The following CORO2A variants were observed in gnomAD, a reference collection of about 807,000 sequenced individuals.
CORO2A encodes coronin-2A.
In CORO2A, 47 loss-of-function variants were observed where a neutral mutation model predicts 62.4. That is an observed-to-expected ratio of 0.75 (90% CI 0.60 to 0.96). The LOEUF is 0.96. CORO2A is among the 40% of genes least tolerant of loss of function. The pLI is 0.00. For missense variants in CORO2A, 610 were observed against 684.1 expected (o/e 0.89, Z 1.21); for synonymous variants, 273 against 268.9 (o/e 1.02, Z -0.15).
chr9:98,167,220 C>A (rs1327490839), intron 1 of CORO2A, among the ~76,000 whole-genome samples: 1 of 152,038 alleles, frequency 6.6e-6, no homozygotes, highest in Non-Finnish European at 1.5e-5. Context: ...AAAAAGACAG[C>A]GCATGATTCC....
chr9:98,148,212 T>A (rs2985030), intron 2 of CORO2A, among the ~76,000 whole-genome samples: 18,111 of 150,350 alleles, frequency 0.12, 1,419 homozygotes, highest in Non-Finnish European at 0.17. Flanking sequence ...CTGGCCAACA[T>A]AGCAAAACCC....
chr9:98,150,366 G>A (rs2118856700), intron 2 of CORO2A, among the ~76,000 whole-genome samples: 1 of 152,218 alleles, frequency 6.6e-6, no homozygotes, highest in East Asian at 1.9e-4. Flanking sequence ...ACCACTCTGT[G>A]GTCACAGCAC....
chr9:98,180,272 T>TA (rs1178066829), intron 1 of CORO2A, among the ~76,000 whole-genome samples: 3 of 152,122 alleles, frequency 2.0e-5, no homozygotes, highest in Non-Finnish European at 4.4e-5. Context: ...GTCCTTGGGT[T>TA]ACATCATTTC....
At chr9:98,151,364 T>C (rs1827721876) in intron 2 of CORO2A, among the ~76,000 whole-genome samples, 1 of 152,248 alleles carries the variant, frequency 6.6e-6, no homozygotes, top group Non-Finnish European at 1.5e-5. Flanking sequence ...AGGTCATCTT[T>C]ATTAGTCTTT....
chr9:98,190,555 A>G (rs1828294013), intron 1 of CORO2A, among the ~76,000 whole-genome samples: 1 of 152,150 alleles, frequency 6.6e-6, no homozygotes, highest in African/African-American at 2.4e-5. Context: ...CCCTCTGGCG[A>G]CAGGGGATGC....
intron 1 of CORO2A, among the ~76,000 whole-genome samples, chr9:98,170,938 A>G (rs201739107): frequency 6.6e-6 from 1 of 152,216 alleles, no homozygotes; most frequent in East Asian, 1.9e-4. Flanking sequence ...CTGTCCAGCC[A>G]TCAGCTGTCC....
rs1827416291 is a variant in CORO2A at position 98,132,091 on chromosome 9, G to A, written c.765+94C>T. On this transcript the variant is annotated intron_variant, in intron 6 of 11. Transcript: ENST00000375077. The stretch of plus-strand genomic sequence containing the variant: ...CTGGCAGTCTACGCTAAATGTGTGT[G>A]TCATAAATGGGTGTCTAAATGAATG... 4.2e-6 allele frequency: 4 copies of A among 954,168 alleles called. No homozygotes were observed. In the East Asian group the frequency reaches 9.6e-5, roughly 23 times the overall value. The allele number at this position is 954,168 out of a possible 1,614,324, so 59.1% of individuals were successfully genotyped here. A position where few individuals can be genotyped will look rare whatever the true frequency, so the allele number is the denominator to read the frequency against.
chr9:98,180,470 G>A (rs1828163430), intron 1 of CORO2A, among the ~76,000 whole-genome samples: 1 of 152,070 alleles, frequency 6.6e-6, no homozygotes, highest in Non-Finnish European at 1.5e-5. Flanking sequence ...CCGCAACACA[G>A]AAAACCATAC....
chr9:98,182,181 A>G (rs1005112775), intron 1 of CORO2A, among the ~76,000 whole-genome samples: 3 of 152,188 alleles, frequency 2.0e-5, no homozygotes, highest in African/African-American at 7.2e-5. Context: ...TGTGCTTGGT[A>G]TCTCTAATGC....
intron 4 of CORO2A, among the ~76,000 whole-genome samples, 164 bp downstream of exon 4, chr9:98,134,642 G>A (rs1827458728): frequency 6.6e-6 from 1 of 152,210 alleles, no homozygotes; most frequent in African/African-American, 2.4e-5. Context: ...AGCTGGGAGA[G>A]GCATGGAAGG....
chr9:98,174,513 T>C (rs1425193819), intron 1 of CORO2A, among the ~76,000 whole-genome samples: 1 of 152,216 alleles, frequency 6.6e-6, no homozygotes. Flanking sequence ...GTGATGGTGA[T>C]ATGGTTTGGC....
intron 2 of CORO2A, among the ~76,000 whole-genome samples, chr9:98,137,986 G>A (rs1827511848): frequency 6.6e-6 from 1 of 152,122 alleles, no homozygotes; most frequent in Non-Finnish European, 1.5e-5. Context: ...TCAATAAAAG[G>A]GCATTTCCCC....
intron 4 of CORO2A, 57 bp from the exon 5 acceptor site, chr9:98,133,274 A>T (rs903067311): frequency 3.2e-6 from 5 of 1,545,156 alleles, no homozygotes; most frequent in African/African-American, 2.7e-5. Flanking sequence ...TGGGCCTCAT[A>T]GTTACATGCT....
Position 98,162,814 on chromosome 9 carries a change from C to T in CORO2A, c.1-5154G>A, listed in dbSNP as rs118170290. Among the ~76,000 whole-genome samples, 1,156 of 152,336 alleles carry T rather than the reference C, an allele frequency of 7.6e-3. 7 individuals carry two copies. The highest frequency in any genetic ancestry group is 0.012 in the Admixed American group (182 of 15,306). On this transcript the variant is annotated intron_variant, in intron 1 of 11. Transcript: ENST00000375077. ...ATCCGTGCATGCATGACTTTAATGA[C>T]TCAGTAATTCAGAGAACAGGAGTTC...
intron 2 of CORO2A, among the ~76,000 whole-genome samples, chr9:98,142,507 G>A (rs1827584232): frequency 6.6e-6 from 1 of 152,204 alleles, no homozygotes. Flanking sequence ...TTGGCTGTGG[G>A]GCACTGATTG....
intron 3 of CORO2A, among the ~76,000 whole-genome samples, chr9:98,136,067 C>G (rs910190928): frequency 1.3e-5 from 2 of 152,220 alleles, no homozygotes; most frequent in Admixed American, 1.3e-4. Context: ...AGGAAAGCCC[C>G]TTCCTTCTTC....
At chr9:98,157,778 G>A (rs866067762) in intron 1 of CORO2A, 118 bp from the exon 2 acceptor site, 10 of 902,130 alleles carry the variant, frequency 1.1e-5, no homozygotes, top group African/African-American at 5.0e-5. Flanking sequence ...TCAGTTCAAC[G>A]TGGACGGTGA....
At chr9:98,183,113 C>T (rs910349126) in intron 1 of CORO2A, among the ~76,000 whole-genome samples, 1 of 152,196 alleles carries the variant, frequency 6.6e-6, no homozygotes, top group Non-Finnish European at 1.5e-5. Context: ...CAGGCCCTTC[C>T]CCGGCCTGGC....
At chr9:98,162,146 C>T (rs1377117914) in intron 1 of CORO2A, among the ~76,000 whole-genome samples, 1 of 152,230 alleles carries the variant, frequency 6.6e-6, no homozygotes. Context: ...CCGGGTCACA[C>T]AGCTAGTGAA....
Sources: allele counts gnomAD v4.1 joint callset (sites outside exome capture counted in the v4.1 genomes callset), GRCh38; gene constraint gnomAD v4.1.1; transcripts MANE v1.5; gene names NCBI Gene and HGNC (gene_info 2026-07-23, HGNC 2026-07-21).